CORO2A: variants seen among roughly 807,000 people sequenced by gnomAD.
CORO2A encodes the protein coronin 2A.
A neutral mutation model predicts 62.4 loss-of-function variants in CORO2A; 47 were observed. The ratio of observed to expected loss-of-function variants is 0.75; its 90% CI spans 0.60 to 0.96. The LOEUF (loss-of-function observed/expected upper bound fraction) is 0.96, where lower values mean the gene tolerates loss of function less well. Among genes scored for constraint, CORO2A ranks in the 40% least tolerant of loss-of-function variants. The probability of loss-of-function intolerance (pLI) is 0.00; values close to 1 mark genes in which losing one functional copy is unlikely to be tolerated. For missense variants in CORO2A, 610 were observed against 684.1 expected, an observed-to-expected ratio of 0.89 and a Z score of 1.21; for synonymous variants, 273 against 268.9, an observed-to-expected ratio of 1.02 and a Z score of -0.15.
At chr9:98,186,914 C>T (rs1828245948) in intron 1 of CORO2A, among the ~76,000 whole-genome samples, 1 of 152,168 alleles carries the variant, frequency 6.6e-6, no homozygotes, top group South Asian at 2.1e-4. Context: ...CACTCCAGGC[C>T]TGGACTATTT....
chr9:98,182,923 GA>G (rs1281027529), intron 1 of CORO2A, among the ~76,000 whole-genome samples: 3 of 152,218 alleles, frequency 2.0e-5, no homozygotes, highest in African/African-American at 7.2e-5. Flanking sequence ...TCTCACAACA[GA>G]TAAGCCCTGC....
At chr9:98,187,343 C>T (rs1284386522) in intron 1 of CORO2A, among the ~76,000 whole-genome samples, 2 of 149,108 alleles carry the variant, frequency 1.3e-5, no homozygotes, top group Admixed American at 6.7e-5. Flanking sequence ...CCTATAATCC[C>T]AGCTACTCAG....
intron 1 of CORO2A, among the ~76,000 whole-genome samples, chr9:98,183,961 A>G (rs1433053358): frequency 6.6e-6 from 1 of 152,208 alleles, no homozygotes; most frequent in Non-Finnish European, 1.5e-5. Context: ...ACTCTGTCTT[A>G]AAAATATGTA....
chr9:98,146,430 G>C (rs552037426), intron 2 of CORO2A, among the ~76,000 whole-genome samples: 116 of 152,358 alleles, frequency 7.6e-4, no homozygotes, highest in Non-Finnish European at 1.3e-4. Flanking sequence ...TGCCTGCAGT[G>C]TCACTCCCTT....
chr9:98,163,272 C>T (rs867407476), intron 1 of CORO2A, among the ~76,000 whole-genome samples: 131 of 152,212 alleles, frequency 8.6e-4, no homozygotes, highest in African/African-American at 2.8e-3. Context: ...TCACTGCAAC[C>T]TCTGCCTCCT....
chr9:98,180,842 C>T (rs1042385125), intron 1 of CORO2A, among the ~76,000 whole-genome samples: 1 of 152,104 alleles, frequency 6.6e-6, no homozygotes, highest in Non-Finnish European at 1.5e-5. Flanking sequence ...CAGGATGACA[C>T]AATGCATCAA....
chr9:98,147,512 C>A lies in CORO2A; in HGVS notation c.202-9824G>T, dbSNP rs574354970. 1.1e-4 allele frequency among the ~76,000 whole-genome samples: 17 copies of A among 152,160 alleles called. 1 individual carries two copies. The South Asian group carries it at 3.3e-3, about 30-fold the overall frequency. On this transcript the variant is annotated intron_variant, in intron 2 of 11. Transcript: ENST00000375077. The stretch of plus-strand genomic sequence containing the variant: ...CTTGAGATTTTTCCATAATTATGAA[C>A]CTGAGCTAGATTAGAGCCTTGCTAT...
At chr9:98,154,760 T>C (rs1827780539) in intron 2 of CORO2A, among the ~76,000 whole-genome samples, 1 of 152,244 alleles carries the variant, frequency 6.6e-6, no homozygotes, top group Non-Finnish European at 1.5e-5. Flanking sequence ...ACCATGTTGT[T>C]GTATATAACT....
At position 98,121,775 on chromosome 9, in the gene CORO2A, G is replaced by T. The variant is rs7039895; in HGVS notation, c.*2999C>A. 2.0e-5 allele frequency: 3 copies of T among 152,240 alleles called. No individual in the cohort carries two copies. Among genetic ancestry groups the T allele is most frequent in the African/African-American group, 7.2e-5 (3 of 41,422 alleles). 9.4% of individuals were successfully genotyped at this position (152,240 alleles called of 1,614,324 possible). On this transcript the variant is annotated 3_prime_UTR_variant, in exon 12 of 12. Transcript: ENST00000375077. ...TGCCTGCCTGACCTGTGTTAGAACA[G>T]CATGTGTCACTGAGTGGAGGTGGGA... is the stretch of plus-strand genomic sequence containing the variant.
intron 2 of CORO2A, among the ~76,000 whole-genome samples, chr9:98,142,472 A>G (rs1827583742): frequency 6.6e-6 from 1 of 152,164 alleles, no homozygotes; most frequent in Admixed American, 6.5e-5. Context: ...TTCCTGGGTC[A>G]AAGGCCATGA....
chr9:98,190,852 C>T (rs1051089137), intron 1 of CORO2A, among the ~76,000 whole-genome samples: 10 of 152,206 alleles, frequency 6.6e-5, no homozygotes, highest in Non-Finnish European at 1.5e-5. Context: ...ATATACTTTG[C>T]CTGCTTTTAC....
intron 2 of CORO2A, among the ~76,000 whole-genome samples, chr9:98,142,739 C>T (rs1327899884): frequency 6.6e-6 from 1 of 152,192 alleles, no homozygotes; most frequent in Non-Finnish European, 1.5e-5. Flanking sequence ...TAGACAGCTT[C>T]TCTTCCTTCT....
chr9:98,177,974 A>G (rs1240620341), intron 1 of CORO2A, among the ~76,000 whole-genome samples: 1 of 152,182 alleles, frequency 6.6e-6, no homozygotes, highest in Non-Finnish European at 1.5e-5. Flanking sequence ...TGGGTCTTGT[A>G]GCTGATGAAG....
At chr9:98,187,529 G>C (rs953530885) in intron 1 of CORO2A, among the ~76,000 whole-genome samples, 1 of 151,956 alleles carries the variant, frequency 6.6e-6, no homozygotes, top group Non-Finnish European at 1.5e-5. Flanking sequence ...CAGGAGGATG[G>C]AAGTCCAAGA....
At chr9:98,153,858 T>C (rs1827763718) in intron 2 of CORO2A, among the ~76,000 whole-genome samples, 1 of 152,192 alleles carries the variant, frequency 6.6e-6, no homozygotes. Context: ...AATTCTCCCT[T>C]ATCCTTCATT....
intron 1 of CORO2A, among the ~76,000 whole-genome samples, chr9:98,181,629 C>A (rs1028978559): frequency 6.6e-6 from 1 of 152,090 alleles, no homozygotes; most frequent in Non-Finnish European, 1.5e-5. Context: ...GCACACATCA[C>A]GGTGCTTTCA....
chr9:98,124,796 C>T lies in CORO2A; in HGVS notation c.1556G>A (p.Arg519Gln), dbSNP rs369926939. The T allele has an allele frequency of 4.3e-5, 69 of 1,611,834 alleles. No homozygotes were observed. Among genetic ancestry groups the T allele is most frequent in the East Asian group, 6.7e-5 (3 of 44,882 alleles). ...KQLELEIKNL[R>Q]MGSEQL ...TGCTCAGAGCTGCTCTGAGCCCATC[C>T]GCAAGTTTTTGATCTCCAGTTCCAA... The change falls in exon 12 of 12, where the codon CGG (arginine) becomes CAG (glutamine). Residue 519 changes from arginine to glutamine, a missense_variant. By Grantham distance (43) the Arg-to-Gln change is conservative (BLOSUM62 1). Coordinates refer to ENST00000375077, the MANE Select transcript of CORO2A (RefSeq NM_052820.4).
At chr9:98,131,539 G>A (rs187675889) in intron 6 of CORO2A, among the ~76,000 whole-genome samples, 138 of 151,866 alleles carry the variant, frequency 9.1e-4, no homozygotes, top group Middle Eastern at 3.4e-3. Flanking sequence ...GGCTGGTCTC[G>A]AATTCGTGGC....
rs775434600 is a variant in CORO2A, at chr9:98,128,233, G to A, written c.1108C>T (p.Pro370Ser). The change falls in exon 10 of 12, where the codon CCT becomes TCT. Residue 370 changes from proline to serine, a missense_variant. By Grantham distance (74) the Pro-to-Ser change is moderately conservative. Transcript: ENST00000375077. ...RSESYQEDIYPPTAGAQPSLT... is the reference protein window; with the variant it reads ...RSESYQEDIYSPTAGAQPSLT... ...GAGGGCTGGGCCCCTGCTGTTGGAG[G>A]GTATATGTCCTCTTGGTAGGATTCT... 1 of 1,612,726 alleles carries A rather than the reference G, an allele frequency of 6.2e-7. No homozygotes were observed. The highest frequency in any genetic ancestry group is 8.5e-7 in the Non-Finnish European group (1 of 1,179,318).
Sources: gnomAD v4.1 joint callset for allele counts (sites outside exome capture counted in the v4.1 genomes callset) on GRCh38, gnomAD v4.1.1 for gene constraint, MANE v1.5 for transcripts, NCBI Gene and HGNC (gene_info 2026-07-23, HGNC 2026-07-21) for gene names.